LYRM4: variants seen among roughly 807,000 people sequenced by gnomAD.
The protein encoded by LYRM4 is LYR motif-containing protein 4.
LYRM4 carries 9 observed loss-of-function variants against 11.7 expected under a neutral mutation model. That is an observed-to-expected ratio of 0.77 (90% CI 0.46 to 1.34). The LOEUF (loss-of-function observed/expected upper bound fraction) is 1.34, where lower values mean the gene tolerates loss of function less well. Ranked by LOEUF, LYRM4 falls within the 40% of genes most tolerant of loss-of-function variation. The pLI is 0.00. For synonymous variants in LYRM4, 42 were observed against 40.4 expected, an observed-to-expected ratio of 1.04 and a Z score of -0.15; for missense variants, 133 against 112.5, an observed-to-expected ratio of 1.18 and a Z score of -0.82.
the LYRM4 span, among the ~76,000 whole-genome samples, chr6:5,038,882 G>GA: frequency 1.1e-4 from 1 of 8,952 alleles, no homozygotes; most frequent in African/African-American, 3.0e-4. Context: ...AGACCGTGGA[G>GA]GGAGAGAGAG....
chr6:5,120,510 A>G (rs1344835135), intron 2 of LYRM4, among the ~76,000 whole-genome samples: 4 of 152,188 alleles, frequency 2.6e-5, no homozygotes, highest in African/African-American at 9.7e-5. Context: ...AGCAAGATTT[A>G]TTGTGGAGAG....
rs1345391854 is a variant in LYRM4 at position 5,198,548 on chromosome 6, C to T, written c.207+18070G>A. On this transcript the variant is annotated intron_variant, in intron 2 of 2. Transcript: ENST00000330636. ...GAGGTCATTCTCTTCCACTGCAGCTCAGGGAGGGCCACAGGGAGCAGTGAG... is the reference window on the plus strand; with the variant it reads ...GAGGTCATTCTCTTCCACTGCAGCTTAGGGAGGGCCACAGGGAGCAGTGAG... Among the ~76,000 whole-genome samples, 4 of 152,194 alleles carry T rather than the reference C, an allele frequency of 2.6e-5. No homozygotes were observed. The East Asian group carries it at 5.8e-4, about 22-fold the overall frequency.
At chr6:5,113,592 T>C (rs1408912802) in intron 2 of LYRM4, among the ~76,000 whole-genome samples, 3 of 152,226 alleles carry the variant, frequency 2.0e-5, no homozygotes, top group Non-Finnish European at 4.4e-5. Flanking sequence ...TCAGTTTTTG[T>C]TGAAGAATGA....
At chr6:5,250,512 G>C (rs972128071) in intron 1 of LYRM4, among the ~76,000 whole-genome samples, 1 of 151,856 alleles carries the variant, frequency 6.6e-6, no homozygotes, top group Non-Finnish European at 1.5e-5. Context: ...GCAGAACTTA[G>C]CAATGTAAGA....
chr6:5,114,705 T>A, intron 2 of LYRM4, among the ~76,000 whole-genome samples: 2 of 140,648 alleles, frequency 1.4e-5, no homozygotes, highest in Non-Finnish European at 1.5e-5. Context: ...GGGCCACACA[T>A]AAAATACACT....
At chr6:5,239,466 G>A (rs1275402822) in intron 1 of LYRM4, among the ~76,000 whole-genome samples, 1 of 152,072 alleles carries the variant, frequency 6.6e-6, no homozygotes, top group Non-Finnish European at 1.5e-5. Flanking sequence ...AGCACACAAG[G>A]TTGGAGCCAT....
chr6:5,181,172 A>G (rs1286707702), intron 2 of LYRM4, among the ~76,000 whole-genome samples: 1 of 152,242 alleles, frequency 6.6e-6, no homozygotes, highest in Non-Finnish European at 1.5e-5. Flanking sequence ...TTTTTAAAAA[A>G]ACAAAACCAC....
At chr6:5,191,007 A>G (rs1448957894) in intron 2 of LYRM4, among the ~76,000 whole-genome samples, 5 of 152,198 alleles carry the variant, frequency 3.3e-5, no homozygotes, top group African/African-American at 1.2e-4. Context: ...ATAAGAGCAT[A>G]TACATTATTT....
chr6:5,130,799 A>G (rs929485499), intron 2 of LYRM4, among the ~76,000 whole-genome samples: 13 of 152,224 alleles, frequency 8.5e-5, no homozygotes, highest in African/African-American at 3.1e-4. Context: ...AATTATAAAC[A>G]TTGGGCTACA....
intron 2 of LYRM4, among the ~76,000 whole-genome samples, chr6:5,156,854 C>T (rs1167589796): frequency 6.6e-6 from 1 of 152,218 alleles, no homozygotes; most frequent in African/African-American, 2.4e-5. Flanking sequence ...AGCTCTGCAG[C>T]TGCTCATGAA....
intron 2 of LYRM4, among the ~76,000 whole-genome samples, chr6:5,121,260 T>C (rs1315215214): frequency 6.6e-6 from 1 of 152,186 alleles, no homozygotes; most frequent in East Asian, 1.9e-4. Flanking sequence ...AGTGTTCCTA[T>C]AGGATGCTAT....
chr6:5,158,237 C>A (rs1029775763), intron 2 of LYRM4, among the ~76,000 whole-genome samples: 3 of 152,068 alleles, frequency 2.0e-5, no homozygotes, highest in South Asian at 2.1e-4. Context: ...TATCTCTATA[C>A]CGATATAAGA....
At chr6:5,157,479 C>A (rs1252013096) in intron 2 of LYRM4, among the ~76,000 whole-genome samples, 3 of 148,074 alleles carry the variant, frequency 2.0e-5, no homozygotes, top group Non-Finnish European at 3.0e-5. Context: ...ATGAGCCCTG[C>A]AAACAGGAAG....
intron 2 of LYRM4, among the ~76,000 whole-genome samples, chr6:5,122,320 G>T (rs1763494055): frequency 6.6e-6 from 1 of 152,134 alleles, no homozygotes; most frequent in Non-Finnish European, 1.5e-5. Flanking sequence ...ATGGCGGGTA[G>T]CATTGAGATG....
At chr6:5,229,509 G>T (rs1049940280) in intron 1 of LYRM4, among the ~76,000 whole-genome samples, 5 of 151,760 alleles carry the variant, frequency 3.3e-5, no homozygotes, top group African/African-American at 1.2e-4. Context: ...GGGCTCAGTG[G>T]GTGGTGCAGA....
intron 1 of LYRM4, among the ~76,000 whole-genome samples, chr6:5,244,441 C>T (rs1219294166): frequency 6.6e-6 from 1 of 152,156 alleles, no homozygotes; most frequent in Non-Finnish European, 1.5e-5. Flanking sequence ...ACATCCCTTC[C>T]CCCATCCCTG....
intron 2 of LYRM4, among the ~76,000 whole-genome samples, chr6:5,209,769 T>C (rs1761895712): frequency 6.6e-6 from 1 of 152,208 alleles, no homozygotes; most frequent in African/African-American, 2.4e-5. Context: ...GTGTTACTTA[T>C]CCAGCAGATG....
the LYRM4 span, among the ~76,000 whole-genome samples, chr6:5,084,262 T>TC: frequency 1.3e-5 from 2 of 151,798 alleles, no homozygotes; most frequent in African/African-American, 2.4e-5. Flanking sequence ...TTTTAGACGT[T>TC]CCCCCAATCC....
chr6:5,099,381 A>G (rs2127587471), downstream of LYRM4, among the ~76,000 whole-genome samples: 1 of 78,578 alleles, frequency 1.3e-5, no homozygotes, highest in African/African-American at 5.1e-5. This position sits in a 1 kb window ranked among gnomAD's most constrained non-coding sequence, Gnocchi z 4.3. Context: ...ATTAAAAAAA[A>G]AATCTATTTC....
Sources: allele counts gnomAD v4.1 joint callset (sites outside exome capture counted in the v4.1 genomes callset), GRCh38; gene constraint gnomAD v4.1.1; non-coding constraint Gnocchi (gnomAD v3.1); transcripts MANE v1.5; gene names NCBI Gene and HGNC (gene_info 2026-07-23, HGNC 2026-07-21).